The following KAT8 variants were observed in gnomAD, a reference collection of about 807,000 sequenced individuals.
KAT8 encodes the protein histone acetyltransferase KAT8.
In KAT8, 40 loss-of-function variants were observed where a neutral mutation model predicts 62.9. That is an observed-to-expected ratio of 0.64 (90% CI 0.49 to 0.83). The LOEUF is 0.83. Among genes scored for constraint, KAT8 ranks in the 40% least tolerant of loss-of-function variants. KAT8 has a pLI of 0.00. For synonymous variants in KAT8, 278 were observed against 254.5 expected (o/e 1.09, Z -0.88); for missense variants, 387 against 614.8 (o/e 0.63, Z 3.92).
intron 6 of KAT8, among the ~76,000 whole-genome samples, chr16:31,129,200 C>T (rs556590230): frequency 4.6e-5 from 7 of 152,178 alleles, no homozygotes; most frequent in South Asian, 4.1e-4. Flanking sequence ...TTAATAAACA[C>T]GGGCCTTGTT....
At chr16:31,128,241 C>G in intron 6 of KAT8, 102 bp downstream of exon 6, 1 of 883,942 alleles carries the variant, frequency 1.1e-6, no homozygotes. Flanking sequence ...TTAGCTGAGC[C>G]TCTATGGGCA....
In KAT8 at chr16:31,128,077, G is replaced by A; in HGVS notation, c.709G>A (p.Gly237Arg). Residue 237 changes from glycine (G) to arginine (R), a missense_variant, in exon 6 of 11, where the codon GGG becomes AGG. Gly to Arg is a moderately radical substitution (Grantham distance 125). This residue lies in a region of KAT8 where 141 missense variants were observed against 222.5 expected (regional missense o/e 0.63). Transcript: ENST00000219797. ...LGQCQWRQPPGKEIYRKSNIS... is the reference protein window; with the variant it reads ...LGQCQWRQPPRKEIYRKSNIS... Reference sequence around the variant, plus strand: ...TCAGTGCCAGTGGCGGCAGCCCCCCGGGAAAGAGATCTACCGCAAGAGCAA... The same window carrying A: ...TCAGTGCCAGTGGCGGCAGCCCCCCAGGAAAGAGATCTACCGCAAGAGCAA... 8 of 1,613,846 alleles carry A rather than the reference G, an allele frequency of 5.0e-6. No homozygotes were observed. The highest frequency in any genetic ancestry group is 5.9e-6 in the Non-Finnish European group (7 of 1,179,912).
chr16:31,119,314 T>C (rs1387949714), intron 1 of KAT8, among the ~76,000 whole-genome samples: 1 of 151,942 alleles, frequency 6.6e-6, no homozygotes, highest in Non-Finnish European at 1.5e-5. Context: ...CACACCCAGC[T>C]AATTTTTGTA....
chr16:31,124,765 G>T (rs1175520944), intron 3 of KAT8, among the ~76,000 whole-genome samples: 3 of 141,760 alleles, frequency 2.1e-5, no homozygotes, highest in East Asian at 4.3e-4. Flanking sequence ...TATGGCTCAT[G>T]CCTGTAATCC....
chr16:31,129,892 C>G, intron 6 of KAT8, 125 bp from the exon 7 acceptor site: 1 of 1,037,264 alleles, frequency 9.6e-7, no homozygotes, highest in Non-Finnish European at 1.5e-6. Flanking sequence ...AAGACTCCTT[C>G]CAGTGTGAAA....
intron 3 of KAT8, chr16:31,126,663 A>G (rs149237733): frequency 7.6e-4 from 191 of 252,620 alleles, no homozygotes; most frequent in African/African-American, 4.1e-3. Flanking sequence ...GGGAGGTAGT[A>G]ACAGTTCTTA....
At chr16:31,118,925 C>T (rs895378849) in intron 1 of KAT8, among the ~76,000 whole-genome samples, 2 of 149,622 alleles carry the variant, frequency 1.3e-5, no homozygotes, top group African/African-American at 4.9e-5. Flanking sequence ...GCTCTGTCAC[C>T]CAGGTGGGAT....
chr16:31,118,328 A>C (rs1187562970), intron 1 of KAT8: 2 of 157,396 alleles, frequency 1.3e-5, no homozygotes, highest in Non-Finnish European at 2.8e-5. Context: ...CTCATTTTCA[A>C]AATTAACCCC....
In KAT8 at chr16:31,128,038, G is replaced by T; in HGVS notation, c.682-12G>T. On this transcript the variant is annotated splice_polypyrimidine_tract_variant and intron_variant, in intron 5 of 10. Transcript: ENST00000219797. ...ATATGGGCAGCGAACCTGTTCTCTT[G>T]TCCCCGACCAGGGTCAGTGCCAGTG... is the stretch of plus-strand genomic sequence containing the variant. 1 of 1,611,660 alleles carries T rather than the reference G, an allele frequency of 6.2e-7. No individual in the cohort carries two copies. The highest frequency in any genetic ancestry group is 8.5e-7 in the Non-Finnish European group (1 of 1,177,848).
chr16:31,120,702 C>G (rs1322822657), intron 3 of KAT8, 188 bp downstream of exon 3: 4 of 570,472 alleles, frequency 7.0e-6, no homozygotes, highest in Non-Finnish European at 1.2e-5. Context: ...AGGGTAAGGG[C>G]TTCGCTGCAG....
intron 6 of KAT8, 110 bp from the exon 7 acceptor site, chr16:31,129,904 CCTT>C: frequency 6.8e-6 from 8 of 1,179,378 alleles, no homozygotes; most frequent in South Asian, 5.2e-5. Context: ...AGTGTGAAAT[CCTT>C]CTGGCCTGGC....
At chr16:31,128,017 G>A (rs370186150) in intron 5 of KAT8, 33 bp from the exon 6 acceptor site, 13 of 1,545,060 alleles carry the variant, frequency 8.4e-6, no homozygotes, top group South Asian at 1.1e-5. Context: ...GAGAACATAT[G>A]GGCAGCGAAC....
chr16:31,127,943 G>A lies in KAT8; in HGVS notation c.682-107G>A. On this transcript the variant is annotated intron_variant, in intron 5 of 10. Transcript: ENST00000219797. ...ACTCGATGTAGGTGAAGTGTTGAGG[G>A]GGGAAACAGAGAGGCAGAGACTTGC... 6 of 780,136 alleles carry A rather than the reference G, an allele frequency of 7.7e-6. No individual in the cohort carries two copies. The South Asian group carries it at 8.7e-5, about 11-fold the overall frequency. 48.3% of individuals were successfully genotyped at this position (780,136 alleles called of 1,614,324 possible). A position where few individuals can be genotyped will look rare whatever the true frequency, so the allele number is the denominator to read the frequency against.
intron 3 of KAT8, among the ~76,000 whole-genome samples, chr16:31,121,753 T>C (rs1177419221): frequency 3.9e-5 from 6 of 152,010 alleles, no homozygotes; most frequent in Admixed American, 6.6e-5. Flanking sequence ...GTACATATTA[T>C]TGTTATTTTT....
Position 31,127,034 on chromosome 16 carries a change from G to C in KAT8, c.463-1G>C, listed in dbSNP as rs2057536563. ...CTGCCCACTTTTCTTTCCTGGCCCA[G>C]ACTTATGCAGAGATGGACCCCACCA... On this transcript the variant is annotated splice_acceptor_variant, in intron 3 of 10. Transcript: ENST00000219797. LOFTEE classifies it high-confidence loss of function. 1 of 1,614,028 alleles carries C rather than the reference G, an allele frequency of 6.2e-7. No individual in the cohort carries two copies. The highest frequency in any genetic ancestry group is 1.3e-5 in the African/African-American group (1 of 74,924).
intron 6 of KAT8, 127 bp downstream of exon 6, chr16:31,128,266 G>T: frequency 1.4e-6 from 1 of 720,078 alleles, no homozygotes; most frequent in South Asian, 1.6e-5. Flanking sequence ...GCCTCTGAGG[G>T]GCCGGGCACT....
At position 31,129,205 on chromosome 16, in the gene KAT8, CTTG is replaced by C. The variant is rs1482712930; in HGVS notation, c.772-809_772-807del. Among the ~76,000 whole-genome samples, 23 of 152,300 alleles carry C rather than the reference CTTG, an allele frequency of 1.5e-4. No homozygotes were observed. The East Asian group carries it at 4.4e-3, about 29-fold the overall frequency. On this transcript the variant is annotated intron_variant, in intron 6 of 10. Transcript: ENST00000219797. ...TAGTATGTGCTTAATAAACACGGGC[CTTG>C]TTATTATCGGTGACCTCTTGGGGCT... is the stretch of plus-strand genomic sequence containing the variant.
At chr16:31,124,007 A>G (rs902190991) in intron 3 of KAT8, 4 of 152,258 alleles carry the variant, frequency 2.6e-5, no homozygotes, top group African/African-American at 9.6e-5. Context: ...ACAATCAGCA[A>G]GGTTCTTCAG....
chr16:31,131,340 T>A lies in KAT8; in HGVS notation c.*81T>A, dbSNP rs916343384. On this transcript the variant is annotated 3_prime_UTR_variant, in exon 11 of 11. Coordinates refer to ENST00000219797, the MANE Select transcript of KAT8 (RefSeq NM_032188.3). ...GTATAGACCTGTTTTGTCATTTTTT[T>A]AATAAAGTCAGTTCTGGTGGCCCTG... 2.3e-5 allele frequency: 35 copies of A among 1,531,874 alleles called. No homozygotes were observed. The highest frequency in any genetic ancestry group is 4.1e-5 in the African/African-American group (3 of 72,322). The allele number at this position is 1,531,874 out of a possible 1,614,324, so 94.9% of individuals were successfully genotyped here. A position where few individuals can be genotyped will look rare whatever the true frequency, so the allele number is the denominator to read the frequency against.
Sources: gnomAD v4.1 joint callset for allele counts (sites outside exome capture counted in the v4.1 genomes callset) on GRCh38, gnomAD v4.1.1 for gene constraint, gnomAD v4.1.1 regional missense constraint, MANE v1.5 for transcripts, NCBI Gene and HGNC (gene_info 2026-07-23, HGNC 2026-07-21) for gene names.